WWTR1: variants seen among roughly 807,000 people sequenced by gnomAD.
WWTR1 encodes WW domain containing transcription regulator 1.
WWTR1 carries 13 observed loss-of-function variants against 40.1 expected under a neutral mutation model. That is an observed-to-expected ratio of 0.32 (90% CI 0.21 to 0.52). The LOEUF is 0.52. Ranked by LOEUF, WWTR1 falls within the 20% of genes least tolerant of loss-of-function variation. WWTR1 has a pLI of 0.97. For missense variants in WWTR1, 436 were observed against 523.1 expected (o/e 0.83, Z 1.63); for synonymous variants, 230 against 210.1 (o/e 1.09, Z -0.82).
At chr3:149,629,391 C>T (rs761917599) in intron 2 of WWTR1, among the ~76,000 whole-genome samples, 1 of 152,202 alleles carries the variant, frequency 6.6e-6, no homozygotes, top group Non-Finnish European at 1.5e-5. Flanking sequence ...CAGAGATTAT[C>T]TAAGAACTAG....
At chr3:149,602,641 C>T (rs922929609) in intron 2 of WWTR1, among the ~76,000 whole-genome samples, 9 of 152,200 alleles carry the variant, frequency 5.9e-5, no homozygotes, top group South Asian at 2.1e-4. Context: ...GCCACACTGA[C>T]ACTCAATTGG....
intron 2 of WWTR1, among the ~76,000 whole-genome samples, chr3:149,653,653 A>T (rs1187908828): frequency 6.6e-6 from 1 of 152,184 alleles, no homozygotes; most frequent in Non-Finnish European, 1.5e-5. Flanking sequence ...TGAGAAAATG[A>T]CAAAAGGCTT....
chr3:149,647,770 G>A (rs1712620981), intron 2 of WWTR1, among the ~76,000 whole-genome samples: 1 of 152,126 alleles, frequency 6.6e-6, no homozygotes, highest in African/African-American at 2.4e-5. Flanking sequence ...AAACAACCAG[G>A]AAGATCTCAA....
In WWTR1 at chr3:149,594,950, C is replaced by CTTTTTTT. The variant is rs563658190; in HGVS notation, c.432-21957_432-21951dup. 1.6e-3 allele frequency among the ~76,000 whole-genome samples: 99 copies of CTTTTTTT among 61,776 alleles called. 10 individuals are homozygous for CTTTTTTT. The highest frequency in any genetic ancestry group is 2.0e-3 in the South Asian group (3 of 1,516). 40.5% of individuals were successfully genotyped at this position (61,776 alleles called of 152,430 possible). ...CATATTGCCTATAACCTCTTTTTTA[C>CTTTTTTT]TTTTTTTTTTTTTTTTTTTTTTTTT... On this transcript the variant is annotated intron_variant, in intron 2 of 6. Coordinates refer to ENST00000360632, the MANE Select transcript of WWTR1 (RefSeq NM_015472.6).
chr3:149,537,511 T>C (rs1417497448), intron 4 of WWTR1, among the ~76,000 whole-genome samples: 1 of 152,270 alleles, frequency 6.6e-6, no homozygotes, highest in African/African-American at 2.4e-5. Flanking sequence ...CTTTGTTGTT[T>C]AGTATTTTAT....
At chr3:149,581,109 C>T (rs964120560) in intron 2 of WWTR1, among the ~76,000 whole-genome samples, 1 of 152,146 alleles carries the variant, frequency 6.6e-6, no homozygotes, top group Non-Finnish European at 1.5e-5. Flanking sequence ...AATCTTCCTC[C>T]CACGTTGTCA....
chr3:149,547,822 T>C (rs1736433267), intron 3 of WWTR1, among the ~76,000 whole-genome samples: 1 of 149,154 alleles, frequency 6.7e-6, no homozygotes, highest in African/African-American at 2.4e-5. Flanking sequence ...CCTTTTCCCT[T>C]TTTCTTTTTT....
intron 2 of WWTR1, among the ~76,000 whole-genome samples, chr3:149,602,223 G>A (rs1739277768): frequency 6.6e-6 from 1 of 152,186 alleles, no homozygotes; most frequent in Admixed American, 6.5e-5. Flanking sequence ...CAAAGGCAAA[G>A]TTCAGGTAGA....
intron 2 of WWTR1, among the ~76,000 whole-genome samples, chr3:149,609,377 T>C (rs776630435): frequency 1.2e-4 from 18 of 152,218 alleles, no homozygotes; most frequent in Non-Finnish European, 2.1e-4. Flanking sequence ...TTCACCAGGA[T>C]AGGGTCAGCA....
intron 2 of WWTR1, among the ~76,000 whole-genome samples, chr3:149,577,553 T>C (rs1255641504): frequency 6.6e-6 from 1 of 152,106 alleles, no homozygotes; most frequent in Non-Finnish European, 1.5e-5. Flanking sequence ...AATTACATTA[T>C]GAGTCTCTGC....
intron 1 of WWTR1, among the ~76,000 whole-genome samples, chr3:149,685,029 C>A (rs75129849): frequency 0.068 from 10,303 of 152,188 alleles, 409 homozygotes; most frequent in Non-Finnish European, 0.075. Flanking sequence ...TCTGTTTCAT[C>A]ATTTGTAGCC....
chr3:149,674,809 T>G (rs1714209994), intron 1 of WWTR1, among the ~76,000 whole-genome samples: 1 of 73,452 alleles, frequency 1.4e-5, no homozygotes, highest in Non-Finnish European at 3.0e-5. Flanking sequence ...TAGCTCTTGG[T>G]GCTAGTTTTG....
intron 2 of WWTR1, among the ~76,000 whole-genome samples, chr3:149,668,293 A>G (rs1397211304): frequency 1.3e-5 from 2 of 152,150 alleles, no homozygotes; most frequent in Non-Finnish European, 2.9e-5. Flanking sequence ...TCTCTCTTCT[A>G]TCTGCCCTAA....
At chr3:149,707,413 T>C (rs1382343661), upstream of WWTR1, among the ~76,000 whole-genome samples, 2 of 152,182 alleles carry the variant, frequency 1.3e-5, no homozygotes, top group Admixed American at 1.3e-4. Context: ...TTCACAGATT[T>C]ATCAACTATC....
intron 2 of WWTR1, among the ~76,000 whole-genome samples, chr3:149,633,576 T>C (rs1711656253): frequency 6.6e-6 from 1 of 152,160 alleles, no homozygotes; most frequent in African/African-American, 2.4e-5. Context: ...GTGCTAGGTA[T>C]AATGGTAGAC....
intron 3 of WWTR1, among the ~76,000 whole-genome samples, chr3:149,560,618 G>A (rs906798882): frequency 6.6e-6 from 1 of 152,178 alleles, no homozygotes; most frequent in Non-Finnish European, 1.5e-5. Flanking sequence ...AAGGCCTTGT[G>A]AACCAAGACT....
At chr3:149,711,188 G>C (rs984945009) in intron 5 of WWTR1, among the ~76,000 whole-genome samples, 1 of 149,748 alleles carries the variant, frequency 6.7e-6, no homozygotes, top group African/African-American at 2.5e-5. Flanking sequence ...AAGGGAGGCT[G>C]GATGTGGTTG....
At chr3:149,590,299 T>C (rs1738632439) in intron 2 of WWTR1, among the ~76,000 whole-genome samples, 1 of 152,170 alleles carries the variant, frequency 6.6e-6, no homozygotes, top group African/African-American at 2.4e-5. Flanking sequence ...TTTTATGGCT[T>C]CAAAAATGAT....
At chr3:149,595,190 A>G (rs1738937917) in intron 2 of WWTR1, among the ~76,000 whole-genome samples, 1 of 151,596 alleles carries the variant, frequency 6.6e-6, no homozygotes, top group Admixed American at 6.6e-5. Context: ...TCAATCTCTT[A>G]ACCTCGTGAT....
Sources: allele counts gnomAD v4.1 joint callset (sites outside exome capture counted in the v4.1 genomes callset), GRCh38; gene constraint gnomAD v4.1.1; transcripts MANE v1.5; gene names NCBI Gene and HGNC (gene_info 2026-07-23, HGNC 2026-07-21).